SANBR: variants seen among roughly 807,000 people sequenced by gnomAD.
SANBR encodes the protein SANT and BTB domain regulator of class switch recombination.
SANBR carries 77 observed loss-of-function variants against 101.8 expected under a neutral mutation model. The ratio of observed to expected loss-of-function variants is 0.76; its 90% CI spans 0.63 to 0.91. SANBR has a LOEUF of 0.91. Among genes scored for constraint, SANBR ranks in the 40% least tolerant of loss-of-function variants. The pLI, the probability that SANBR is intolerant of heterozygous loss-of-function variation, is 0.00. For missense variants in SANBR, 875 were observed against 853.0 expected (o/e 1.03, Z -0.32); for synonymous variants, 279 against 274.7 (o/e 1.02, Z -0.15).
In SANBR at chr2:61,083,177, C is replaced by G; in HGVS notation, c.753C>G (p.Cys251Trp). 1.2e-6 allele frequency: 2 copies of G among 1,611,502 alleles called. No homozygotes were observed. The highest frequency in any genetic ancestry group is 1.7e-6 in the Non-Finnish European group (2 of 1,178,412). Residue 251 changes from cysteine to tryptophan, a missense_variant, in exon 8 of 22, where the codon TGC becomes TGG. By Grantham distance (215) the Cys-to-Trp change is radical. Transcript: ENST00000402291. ...DSLVEQCIQY[C>W]HKNMNAIVAT... ...AGGTTGAACAGTGTATTCAGTATTGCCACAAAAATATGAATGCCATAGTAG... is the reference window on the plus strand; with the variant it reads ...AGGTTGAACAGTGTATTCAGTATTGGCACAAAAATATGAATGCCATAGTAG...
chr2:61,104,731 A>G lies in SANBR; in HGVS notation c.1511+733A>G, dbSNP rs564203584. ...CTGAAGTCGCGTTCATCATTTTGCA[A>G]TGGCAGCAGGTTGTAAGGTTAGAGG... On this transcript the variant is annotated intron_variant, in intron 13 of 21. Coordinates refer to ENST00000402291, the MANE Select transcript of SANBR (RefSeq NM_001129993.3). Among the ~76,000 whole-genome samples, 32 of 151,568 alleles carry G rather than the reference A, an allele frequency of 2.1e-4. No homozygotes were observed. In the East Asian group the frequency reaches 3.1e-3, roughly 15 times the overall value.
chr2:61,121,552 T>G (rs1403391182), intron 21 of SANBR: 2 of 265,166 alleles, frequency 7.5e-6, no homozygotes, highest in Non-Finnish European at 1.5e-5. Flanking sequence ...ATAGTGCTAC[T>G]GGAAGTAGCA....
Position 61,118,025 on chromosome 2 carries a change from C to T in SANBR, c.1940-3C>T, listed in dbSNP as rs918707843. 1 of 1,608,254 alleles carries T rather than the reference C, an allele frequency of 6.2e-7. No homozygotes were observed. Among genetic ancestry groups the T allele is most frequent in the Non-Finnish European group, 8.5e-7 (1 of 1,177,156 alleles). On this transcript the variant is annotated splice_region_variant and splice_polypyrimidine_tract_variant and intron_variant, in intron 19 of 21. Transcript: ENST00000402291. ...GTAAAGTTTACTGTTTTTTTCCCTT[C>T]AGATCAACGGCGAATGACTGAAATT...
intron 16 of SANBR, among the ~76,000 whole-genome samples, chr2:61,114,388 C>T (rs1039575091): frequency 2.6e-5 from 4 of 152,146 alleles, no homozygotes; most frequent in Non-Finnish European, 5.9e-5. Context: ...AGATTGTCAA[C>T]GGTTAGTCTT....
Position 61,136,266 on chromosome 2 carries a change from T to C in SANBR, c.*45-1198T>C, listed in dbSNP as rs1225810800. Among the ~76,000 whole-genome samples the C allele has an allele frequency of 8.1e-5, 12 of 149,000 alleles. No individual in the cohort carries two copies. The East Asian group carries it at 2.4e-3, about 29-fold the overall frequency. On this transcript the variant is annotated intron_variant, in intron 21 of 21. Transcript: ENST00000295031. ...TTGCAGTGAGCCAAGATCGCACCAC[T>C]GTACTCCAGCCTGGGCAACAGAGCG...
In SANBR at chr2:61,123,955, A is replaced by T; in HGVS notation, c.*1793A>T. The T allele has an allele frequency of 2.1e-5, 7 of 326,160 alleles. No homozygotes were observed. Among genetic ancestry groups the T allele is most frequent in the Non-Finnish European group, 3.1e-5 (7 of 227,388 alleles). 20.2% of individuals were successfully genotyped at this position (326,160 alleles called of 1,614,324 possible). ...AAAAATACAAAAAGATTAGCCAGGCATGGTGGCATACACCTGTAGTCCCAG... is the reference window on the plus strand; with the variant it reads ...AAAAATACAAAAAGATTAGCCAGGCTTGGTGGCATACACCTGTAGTCCCAG... On this transcript the variant is annotated 3_prime_UTR_variant, in exon 22 of 22. Coordinates refer to ENST00000402291, the MANE Select transcript of SANBR (RefSeq NM_001129993.3).
intron 5 of SANBR, among the ~76,000 whole-genome samples, 174 bp from the exon 6 acceptor site, chr2:61,076,746 C>A (rs1559078900): frequency 6.6e-6 from 1 of 152,038 alleles, no homozygotes; most frequent in Non-Finnish European, 1.5e-5. Flanking sequence ...TAGTCATAAT[C>A]TAAGATATGA....
Position 61,109,231 on chromosome 2 carries a change from A to T in SANBR, c.1679A>T (p.Tyr560Phe). 6.4e-7 allele frequency: 1 copy of T among 1,560,592 alleles called. No homozygotes were observed. The change falls in exon 16 of 22, where the codon TAT becomes TTT. Residue 560 changes from tyrosine to phenylalanine, a missense_variant. Coordinates refer to ENST00000402291, the MANE Select transcript of SANBR (RefSeq NM_001129993.3). Reference protein sequence around the residue: ...QQSLFSEEEEYTTGSEVTEDE... With the variant: ...QQSLFSEEEEFTTGSEVTEDE... The stretch of plus-strand genomic sequence containing the variant: ...TCACTGTTTTCAGAAGAAGAAGAAT[A>T]TACCACTGGATCTGAGGTCACTGAA...
intron 20 of SANBR, among the ~76,000 whole-genome samples, chr2:61,131,404 G>T (rs574987679): frequency 6.6e-6 from 1 of 152,086 alleles, no homozygotes; most frequent in Non-Finnish European, 1.5e-5. Flanking sequence ...TAGTAGCAAT[G>T]AAAAATCTAA....
At chr2:61,118,920 C>A (rs1252076946) in intron 20 of SANBR, among the ~76,000 whole-genome samples, 1 of 152,104 alleles carries the variant, frequency 6.6e-6, no homozygotes, top group African/African-American at 2.4e-5. Context: ...TAAAAGTTTT[C>A]CACCATGTCT....
Position 61,071,476 on chromosome 2 carries a change from G to C in SANBR, c.151-130G>C, listed in dbSNP as rs546598781. On this transcript the variant is annotated intron_variant, in intron 3 of 21. Coordinates refer to ENST00000402291, the MANE Select transcript of SANBR (RefSeq NM_001129993.3). ...GAGGCAGGAGAATTGCTTGAACCCG[G>C]GAGGCGGAGGTTGCAGTGAGCCAAG... is the stretch of plus-strand genomic sequence containing the variant. 21 of 454,362 alleles carry C rather than the reference G, an allele frequency of 4.6e-5. No homozygotes were observed. In the South Asian group the frequency reaches 9.5e-4, roughly 21 times the overall value. The allele number at this position is 454,362 out of a possible 1,614,324, so 28.1% of individuals were successfully genotyped here. A position where few individuals can be genotyped will look rare whatever the true frequency, so the allele number is the denominator to read the frequency against.
intron 6 of SANBR, among the ~76,000 whole-genome samples, chr2:61,079,921 G>A (rs148163198): frequency 5.3e-5 from 8 of 150,728 alleles, no homozygotes; most frequent in African/African-American, 9.7e-5. Flanking sequence ...AAAAAAGCCC[G>A]GCACTCTGGC....
chr2:61,077,824 T>C (rs978498010), intron 6 of SANBR, among the ~76,000 whole-genome samples: 6 of 152,134 alleles, frequency 3.9e-5, no homozygotes, highest in African/African-American at 9.7e-5. Flanking sequence ...TGAAGACCAT[T>C]TTTACTTGAG....
At chr2:61,109,673 TTG>T (rs1683730850) in intron 16 of SANBR, among the ~76,000 whole-genome samples, 1 of 149,290 alleles carries the variant, frequency 6.7e-6, no homozygotes, top group Non-Finnish European at 1.5e-5. Context: ...CATGTTTTTT[TTG>T]TGTTTGTTTT....
intron 4 of SANBR, among the ~76,000 whole-genome samples, chr2:61,073,012 G>A (rs1252847885): frequency 6.6e-6 from 1 of 151,674 alleles, no homozygotes; most frequent in Non-Finnish European, 1.5e-5. Flanking sequence ...CTTTATTATA[G>A]TCAACAAGAG....
chr2:61,088,640 CT>C (rs1396544582), intron 10 of SANBR, 172 bp downstream of exon 10: 1 of 406,084 alleles, frequency 2.5e-6, no homozygotes, highest in East Asian at 4.8e-5. Context: ...CCTGCCTCAG[CT>C]TCCTGAGAAG....
intron 21 of SANBR, chr2:61,134,385 A>C (rs1684783188): frequency 1.8e-6 from 2 of 1,086,816 alleles, no homozygotes; most frequent in Non-Finnish European, 2.6e-6. Flanking sequence ...TTATTCCCCC[A>C]CCTAGATGGT....
In SANBR at chr2:61,123,327, A is replaced by G. The variant is rs1463401023; in HGVS notation, c.*1165A>G. ...CTTTAATAATGTGTGACAAAAGAGC[A>G]ATTTCCATTGAAATATTGAAGTGTT... On this transcript the variant is annotated 3_prime_UTR_variant, in exon 22 of 22. Transcript: ENST00000402291. 6 of 979,384 alleles carry G rather than the reference A, an allele frequency of 6.1e-6. No homozygotes were observed. Among genetic ancestry groups the G allele is most frequent in the Non-Finnish European group, 7.3e-6 (6 of 824,486 alleles). The allele number at this position is 979,384 out of a possible 1,614,324, so 60.7% of individuals were successfully genotyped here. A position where few individuals can be genotyped will look rare whatever the true frequency, so the allele number is the denominator to read the frequency against.
chr2:61,092,275 T>G (rs533672645), intron 10 of SANBR, among the ~76,000 whole-genome samples, 189 bp from the exon 11 acceptor site: 1 of 152,322 alleles, frequency 6.6e-6, no homozygotes, highest in East Asian at 1.9e-4. Flanking sequence ...TCCCAGCTAC[T>G]TGGGAAGCCA....
Sources: gnomAD v4.1 joint callset for allele counts (sites outside exome capture counted in the v4.1 genomes callset) on GRCh38, gnomAD v4.1.1 for gene constraint, MANE v1.5 for transcripts, NCBI Gene and HGNC (gene_info 2026-07-23, HGNC 2026-07-21) for gene names.